The following SOD2 variants were observed in gnomAD, a reference collection of about 807,000 sequenced individuals.
The protein encoded by SOD2 is superoxide dismutase [Mn], mitochondrial.
In SOD2, 11 loss-of-function variants were observed where a neutral mutation model predicts 27.0. That is an observed-to-expected ratio of 0.41 (90% CI 0.26 to 0.67). The LOEUF (loss-of-function observed/expected upper bound fraction) is 0.67, where lower values mean the gene tolerates loss of function less well. Ranked by LOEUF, SOD2 falls within the 30% of genes least tolerant of loss-of-function variation. The pLI, the probability that SOD2 is intolerant of heterozygous loss-of-function variation, is 0.34. For synonymous variants in SOD2, 105 were observed against 103.0 expected, an observed-to-expected ratio of 1.02 and a Z score of -0.12; for missense variants, 250 against 274.5, an observed-to-expected ratio of 0.91 and a Z score of 0.63.
intron 1 of SOD2, among the ~76,000 whole-genome samples, chr6:159,717,186 A>ATACCTCTGT (rs1295395821): frequency 4.6e-5 from 7 of 152,182 alleles, no homozygotes; most frequent in Non-Finnish European, 5.9e-5. Context: ...TGAGCTACCC[A>ATACCTCTGT]TACCTCTGTT....
At chr6:159,705,431 C>T (rs1777606297) in intron 1 of SOD2, among the ~76,000 whole-genome samples, 1 of 152,270 alleles carries the variant, frequency 6.6e-6, no homozygotes, top group African/African-American at 2.4e-5. Flanking sequence ...CTTAAAGGAC[C>T]TGATGGAGCT....
chr6:159,719,279 C>T (rs1777982925), intron 1 of SOD2, among the ~76,000 whole-genome samples: 2 of 152,058 alleles, frequency 1.3e-5, no homozygotes, highest in South Asian at 2.1e-4. Context: ...AATCCCAGCA[C>T]TTTGGGAGGC....
intron 1 of SOD2, among the ~76,000 whole-genome samples, chr6:159,751,748 T>G (rs1190215330): frequency 1.3e-5 from 2 of 152,218 alleles, no homozygotes; most frequent in Non-Finnish European, 1.5e-5. Flanking sequence ...TTACAAACTT[T>G]TCCTTGAATT....
intron 1 of SOD2, chr6:159,743,560 C>A: frequency 8.9e-7 from 1 of 1,127,266 alleles, no homozygotes; most frequent in Non-Finnish European, 1.2e-6. Context: ...AGGATGGAAA[C>A]TAAAGACTTG....
Position 159,673,222 on chromosome 6 carries a change from T to C in SOD2, c.*9271A>G, listed in dbSNP as rs1448831119. 6.6e-5 allele frequency: 10 copies of C among 152,088 alleles called. No individual in the cohort carries two copies. Among genetic ancestry groups the C allele is most frequent in the East Asian group, 1.9e-4 (1 of 5,176 alleles). The allele number at this position is 152,088 out of a possible 1,614,324, so 9.4% of individuals were successfully genotyped here. A position where few individuals can be genotyped will look rare whatever the true frequency, so the allele number is the denominator to read the frequency against. ...GAAAGTTAACAAGGATATCCAGGAA[T>C]TGAATTCAGCTCTGCACCAAGCAGA... On this transcript the variant is annotated 3_prime_UTR_variant, in exon 5 of 5. Transcript: ENST00000538183.
chr6:159,707,827 T>G (rs1452771955), intron 1 of SOD2, among the ~76,000 whole-genome samples: 1 of 152,094 alleles, frequency 6.6e-6, no homozygotes, highest in Non-Finnish European at 1.5e-5. Context: ...AAAGAGAATT[T>G]TAGACCAATA....
At chr6:159,710,078 C>T (rs1249456257) in intron 1 of SOD2, among the ~76,000 whole-genome samples, 1 of 124,580 alleles carries the variant, frequency 8.0e-6, no homozygotes, top group African/African-American at 3.2e-5. Flanking sequence ...TGAACTTGGA[C>T]ACAGGAAGAG....
rs1000204859 is a variant in SOD2, at chr6:159,712,354, C to G, written c.-116+14775G>C. Among the ~76,000 whole-genome samples, 126 of 133,800 alleles carry G rather than the reference C, an allele frequency of 9.4e-4. No individual in the cohort carries two copies. In the East Asian group the frequency reaches 9.8e-3, roughly 10 times the overall value. The allele number at this position is 133,800 out of a possible 152,430, so 87.8% of individuals were successfully genotyped here. A position where few individuals can be genotyped will look rare whatever the true frequency, so the allele number is the denominator to read the frequency against. ...TCACCCTAACCACCTCCATAACCAC[C>G]ACTCAGCTGCTCTGACCTCCATAAC... On this transcript the variant is annotated intron_variant, in intron 1 of 2. Coordinates refer to the SOD2 transcript ENST00000401980.
intron 1 of SOD2, among the ~76,000 whole-genome samples, chr6:159,701,244 C>G (rs1777518347): frequency 6.6e-6 from 1 of 152,196 alleles, no homozygotes; most frequent in Non-Finnish European, 1.5e-5. Flanking sequence ...CTTTCTCCCT[C>G]TGTAGGCTGC....
At chr6:159,723,751 CTTTT>C (rs67149731) in intron 1 of SOD2, among the ~76,000 whole-genome samples, 41,228 of 151,756 alleles carry the variant, frequency 0.27, 5,584 homozygotes, top group East Asian at 0.4. Context: ...AGAACTAGGA[CTTTT>C]TTTTGCAGTT....
exon 1 of SOD2, chr6:159,761,685 G>C (rs1780129829): frequency 1.2e-5 from 5 of 402,234 alleles, no homozygotes; most frequent in African/African-American, 2.1e-5. Flanking sequence ...ACTGTTTCGA[G>C]AAACCCTAAG....
At chr6:159,721,736 A>T (rs1778045896) in intron 1 of SOD2, among the ~76,000 whole-genome samples, 1 of 117,738 alleles carries the variant, frequency 8.5e-6, no homozygotes, top group Admixed American at 1.2e-4. Context: ...CTATGTTGCC[A>T]GGTTGGTCTT....
chr6:159,713,638 A>G (rs1204651123), intron 1 of SOD2: 3 of 1,031,274 alleles, frequency 2.9e-6, no homozygotes, highest in African/African-American at 3.2e-5. Context: ...GGACAGCCAA[A>G]TGGAAGTCCT....
At chr6:159,700,635 C>T (rs1207634801) in intron 1 of SOD2, among the ~76,000 whole-genome samples, 2 of 136,476 alleles carry the variant, frequency 1.5e-5, no homozygotes, top group South Asian at 2.3e-4. Flanking sequence ...GTCTTGGTGA[C>T]GTGCGAGACT....
intron 1 of SOD2, among the ~76,000 whole-genome samples, chr6:159,735,312 T>A (rs899045613): frequency 6.6e-6 from 1 of 152,178 alleles, no homozygotes; most frequent in African/African-American, 2.4e-5. Flanking sequence ...CTAATTTTTT[T>A]AATTTTTTGG....
At chr6:159,711,638 AACCACCTCCAAT>A (rs1185249226) in intron 1 of SOD2, among the ~76,000 whole-genome samples, 101 of 79,966 alleles carry the variant, frequency 1.3e-3, no homozygotes, top group African/African-American at 2.4e-3. Flanking sequence ...TGACCACCAT[AACCACCTCCAAT>A]ACCACCACTC....
rs749962586 is a variant in SOD2, at chr6:159,677,299, T to C, written c.*5194A>G. On this transcript the variant is annotated 3_prime_UTR_variant, in exon 5 of 5. Coordinates refer to ENST00000538183, the MANE Select transcript of SOD2 (RefSeq NM_000636.4). ...TCCTTCCTTTTCACAAACTGAGAAA[T>C]CTTAAATTTTTTTTAACGTGTCCCA... is the stretch of plus-strand genomic sequence containing the variant. The C allele has an allele frequency of 2.6e-5, 4 of 152,076 alleles. No individual in the cohort carries two copies. Among genetic ancestry groups the C allele is most frequent in the Non-Finnish European group, 5.9e-5 (4 of 68,024 alleles). 9.4% of individuals were successfully genotyped at this position (152,076 alleles called of 1,614,324 possible).
intron 1 of SOD2, among the ~76,000 whole-genome samples, chr6:159,734,549 A>C (rs889126824): frequency 6.6e-6 from 1 of 152,102 alleles, no homozygotes; most frequent in Non-Finnish European, 1.5e-5. Flanking sequence ...TGATCCTTCC[A>C]CAGGTAGTTC....
intron 1 of SOD2, chr6:159,741,814 C>T: frequency 7.1e-6 from 2 of 282,870 alleles, no homozygotes; most frequent in South Asian, 3.8e-5. Context: ...GTAGTGAGAC[C>T]CCATCTCTAC....
Sources: gnomAD v4.1 joint callset for allele counts (sites outside exome capture counted in the v4.1 genomes callset) on GRCh38, gnomAD v4.1.1 for gene constraint, MANE v1.5 for transcripts, NCBI Gene and HGNC (gene_info 2026-07-23, HGNC 2026-07-21) for gene names.